ADARB2: variants seen among roughly 807,000 people sequenced by gnomAD.
ADARB2 encodes the protein inactive double-stranded RNA-specific editase B2.
ADARB2 carries 25 observed loss-of-function variants against 62.2 expected under a neutral mutation model. That is an observed-to-expected ratio of 0.40 (90% CI 0.29 to 0.56). ADARB2 has a LOEUF of 0.56. ADARB2 is among the 20% of genes least tolerant of loss of function. ADARB2 has a pLI of 0.43. For synonymous variants in ADARB2, 572 were observed against 500.8 expected (o/e 1.14, Z -1.90); for missense variants, 1,071 against 1,077.4 (o/e 0.99, Z 0.08).
chr10:1,189,040 G>A (rs765171936), intron 8 of ADARB2, among the ~76,000 whole-genome samples: 11 of 150,716 alleles, frequency 7.3e-5, no homozygotes, highest in Non-Finnish European at 1.5e-4. Context: ...CCATGGCCTC[G>A]TGCGCTTTCA....
intron 1 of ADARB2, among the ~76,000 whole-genome samples, chr10:1,657,872 AG>A (rs1834191870): frequency 6.6e-6 from 1 of 150,990 alleles, no homozygotes; most frequent in Non-Finnish European, 1.5e-5. Context: ...CTCTGCTCTC[AG>A]TTTCTCTCTG....
chr10:1,635,595 T>G (rs1564353770), intron 1 of ADARB2, among the ~76,000 whole-genome samples: 1 of 152,184 alleles, frequency 6.6e-6, no homozygotes, highest in Non-Finnish European at 1.5e-5. Context: ...TGAGCTTCCC[T>G]CCGTCGGGAC....
intron 1 of ADARB2, among the ~76,000 whole-genome samples, chr10:1,617,666 G>T (rs1032719912): frequency 7.0e-6 from 1 of 143,794 alleles, no homozygotes; most frequent in African/African-American, 2.6e-5. Flanking sequence ...TTGTGTGCCC[G>T]TCCAGACACA....
At chr10:1,723,261 C>T (rs1245647918) in intron 1 of ADARB2, among the ~76,000 whole-genome samples, 1 of 152,214 alleles carries the variant, frequency 6.6e-6, no homozygotes, top group Non-Finnish European at 1.5e-5. Flanking sequence ...GCGATTCGCT[C>T]TACATTGCCC....
In ADARB2 at chr10:1,183,112, G is replaced by C; in HGVS notation, c.*81C>G. 1 of 1,509,784 alleles carries C rather than the reference G, an allele frequency of 6.6e-7. No homozygotes were observed. Among genetic ancestry groups the C allele is most frequent in the Non-Finnish European group, 9.0e-7 (1 of 1,115,738 alleles). 93.5% of individuals were successfully genotyped at this position (1,509,784 alleles called of 1,614,324 possible). ...AAAGTAAAACGAATGCAGGGAACCG[G>C]CCGACCCGCCACGTCGCCCCCCAGA... On this transcript the variant is annotated 3_prime_UTR_variant, in exon 10 of 10. Transcript: ENST00000381312.
intron 3 of ADARB2, among the ~76,000 whole-genome samples, chr10:1,347,269 G>A (rs941775440): frequency 4.6e-5 from 7 of 152,302 alleles, no homozygotes; most frequent in African/African-American, 9.6e-5. Context: ...GCAGTGAGTC[G>A]TGTCAGAGGA....
intron 1 of ADARB2, among the ~76,000 whole-genome samples, chr10:1,420,002 A>T (rs1248162044): frequency 6.6e-6 from 1 of 152,266 alleles, no homozygotes; most frequent in Non-Finnish European, 1.5e-5. Context: ...AGCTATGCCC[A>T]GTCTGGCTTG....
chr10:1,685,441 C>G (rs1834586550), intron 1 of ADARB2, among the ~76,000 whole-genome samples: 1 of 152,162 alleles, frequency 6.6e-6, no homozygotes, highest in Non-Finnish European at 1.5e-5. Flanking sequence ...GTACCTGACA[C>G]ATGGAATTCT....
chr10:1,381,665 A>G (rs1346454260), intron 1 of ADARB2, among the ~76,000 whole-genome samples: 1 of 152,240 alleles, frequency 6.6e-6, no homozygotes, highest in Non-Finnish European at 1.5e-5. Flanking sequence ...CCTTAAAAAA[A>G]GGGAAATCCT....
At chr10:1,448,401 G>T (rs968819128) in intron 1 of ADARB2, among the ~76,000 whole-genome samples, 2 of 152,188 alleles carry the variant, frequency 1.3e-5, no homozygotes, top group African/African-American at 4.8e-5. Flanking sequence ...AATATCCACA[G>T]CTCCTTCTGT....
intron 1 of ADARB2, among the ~76,000 whole-genome samples, chr10:1,541,361 TCACAG>T (rs1258562949): frequency 2.1e-5 from 1 of 48,594 alleles, no homozygotes; most frequent in Non-Finnish European, 4.2e-5. Flanking sequence ...GGACCCTGGA[TCACAG>T]CCGCCCAGAC....
intron 8 of ADARB2, 27 bp from the exon 9 acceptor site, chr10:1,185,066 C>T (rs562763605): frequency 1.9e-5 from 31 of 1,599,322 alleles, no homozygotes; most frequent in Middle Eastern, 2.1e-4. Flanking sequence ...GAAAGGCGGG[C>T]GTTAATATTC....
At chr10:1,703,830 T>TTCA (rs1264279818) in intron 1 of ADARB2, among the ~76,000 whole-genome samples, 1 of 152,210 alleles carries the variant, frequency 6.6e-6, no homozygotes, top group Non-Finnish European at 1.5e-5. Context: ...TTGACCACTG[T>TTCA]TCACTATACA....
intron 3 of ADARB2, among the ~76,000 whole-genome samples, chr10:1,274,302 C>T (rs1459919562): frequency 6.6e-6 from 1 of 152,220 alleles, no homozygotes; most frequent in Non-Finnish European, 1.5e-5. Context: ...ACTGTCGTTG[C>T]CAGCTCTGGT....
intron 1 of ADARB2, among the ~76,000 whole-genome samples, chr10:1,604,091 C>A (rs938042128): frequency 6.6e-6 from 1 of 152,166 alleles, no homozygotes; most frequent in African/African-American, 2.4e-5. Flanking sequence ...AGGCATGAGC[C>A]ACTGCCTCTG....
chr10:1,680,306 T>C (rs1834520539), intron 1 of ADARB2, among the ~76,000 whole-genome samples: 1 of 152,102 alleles, frequency 6.6e-6, no homozygotes, highest in African/African-American at 2.4e-5. Flanking sequence ...CCATACTCTG[T>C]TCCTGAGCTC....
chr10:1,720,808 ATCAT>A (rs1043410134), intron 1 of ADARB2, among the ~76,000 whole-genome samples: 1 of 152,172 alleles, frequency 6.6e-6, no homozygotes. Context: ...AGCAACTAAT[ATCAT>A]ATGGAAAAAG....
chr10:1,380,733 G>A (rs946309093), intron 1 of ADARB2, among the ~76,000 whole-genome samples: 2 of 152,148 alleles, frequency 1.3e-5, no homozygotes, highest in African/African-American at 2.4e-5. Flanking sequence ...TTGTTCTACC[G>A]AACAAGAATA....
chr10:1,689,876 G>A (rs1054956335), intron 1 of ADARB2, among the ~76,000 whole-genome samples: 27 of 152,164 alleles, frequency 1.8e-4, no homozygotes, highest in African/African-American at 6.0e-4. Flanking sequence ...CTACAGTTAC[G>A]TAGGGGTCTC....
Sources: gnomAD v4.1 joint callset for allele counts (sites outside exome capture counted in the v4.1 genomes callset) on GRCh38, gnomAD v4.1.1 for gene constraint, MANE v1.5 for transcripts, NCBI Gene and HGNC (gene_info 2026-07-23, HGNC 2026-07-21) for gene names.